The following RTN1 variants were observed in gnomAD, a reference collection of about 807,000 sequenced individuals.
RTN1 encodes reticulon 1, also known as reticulon-1.
RTN1 carries 25 observed loss-of-function variants against 65.5 expected under a neutral mutation model. That is an observed-to-expected ratio of 0.38 (90% confidence interval 0.28 to 0.53). RTN1 has a LOEUF of 0.53. RTN1 is among the 20% of genes least tolerant of loss of function. RTN1 has a pLI of 0.79. For missense variants in RTN1, 983 were observed against 1,025.4 expected, an observed-to-expected ratio of 0.96 and a Z score of 0.57; for synonymous variants, 471 against 447.6, an observed-to-expected ratio of 1.05 and a Z score of -0.66.
rs181442911 is a variant in RTN1 at position 59,618,000 on chromosome 14, C to T, written c.1766-10508G>A. Among the ~76,000 whole-genome samples the T allele has an allele frequency of 4.5e-4, 68 of 152,200 alleles. No individual in the cohort carries two copies. The Middle Eastern group carries it at 0.017, about 38-fold the overall frequency. ...ATAAAACCCAAGGGAAGGACTGAAA[C>T]GGCCTTTGCAAAATTATGACCGAGA... On this transcript the variant is annotated intron_variant, in intron 3 of 8. Transcript: ENST00000267484.
chr14:59,827,366 C>T (rs552569233), intron 1 of RTN1, among the ~76,000 whole-genome samples: 12 of 152,274 alleles, frequency 7.9e-5, no homozygotes, highest in African/African-American at 2.6e-4. Flanking sequence ...GAGTGAGCCA[C>T]CGCGCCCCGC....
intron 3 of RTN1, chr14:59,646,942 A>G (rs906302394): frequency 5.8e-5 from 9 of 154,250 alleles, no homozygotes; most frequent in African/African-American, 2.2e-4. Context: ...ATCAATAATA[A>G]TCTTGAAGGG....
At chr14:59,809,805 C>T (rs965898838) in intron 1 of RTN1, among the ~76,000 whole-genome samples, 1 of 152,102 alleles carries the variant, frequency 6.6e-6, no homozygotes, top group African/African-American at 2.4e-5. Flanking sequence ...ACAACAGAAC[C>T]CCCAGATGCC....
chr14:59,752,249 G>A (rs536562261), intron 1 of RTN1, among the ~76,000 whole-genome samples: 1 of 152,136 alleles, frequency 6.6e-6, no homozygotes, highest in Non-Finnish European at 1.5e-5. Context: ...TCTGGAGGCT[G>A]GGAGGTTCAA....
intron 1 of RTN1, among the ~76,000 whole-genome samples, chr14:59,788,960 A>T (rs1489465655): frequency 6.6e-6 from 1 of 152,152 alleles, no homozygotes; most frequent in Non-Finnish European, 1.5e-5. Flanking sequence ...AATAAGGCAC[A>T]AATTTATGTA....
At chr14:59,855,050 C>T (rs1386816260) in intron 1 of RTN1, among the ~76,000 whole-genome samples, 1 of 152,166 alleles carries the variant, frequency 6.6e-6, no homozygotes, top group East Asian at 1.9e-4. Context: ...TTCCCTGAAG[C>T]CCCCATCTGG....
At chr14:59,684,136 CT>C (rs1280026454) in intron 3 of RTN1, among the ~76,000 whole-genome samples, 1 of 151,884 alleles carries the variant, frequency 6.6e-6, no homozygotes, top group African/African-American at 2.4e-5. Flanking sequence ...TAAATTCTCC[CT>C]CCCTTCACCT....
At chr14:59,772,811 G>GT (rs10709977) in intron 1 of RTN1, among the ~76,000 whole-genome samples, 79 of 151,328 alleles carry the variant, frequency 5.2e-4, no homozygotes, top group South Asian at 3.1e-3. Context: ...AAAGGACTGG[G>GT]TTTTTTTTTG....
chr14:59,799,584 T>G (rs912861497), intron 1 of RTN1, among the ~76,000 whole-genome samples: 1 of 152,232 alleles, frequency 6.6e-6, no homozygotes, highest in Non-Finnish European at 1.5e-5. Flanking sequence ...TAATGCATAA[T>G]TTTAGAATAA....
At chr14:59,749,595 AT>A (rs1885373121) in intron 1 of RTN1, among the ~76,000 whole-genome samples, 1 of 43,506 alleles carries the variant, frequency 2.3e-5, no homozygotes, top group Non-Finnish European at 3.5e-5. Flanking sequence ...ATTTATATAT[AT>A]ATCTATCTAT....
Position 59,870,504 on chromosome 14 carries a change from G to T in RTN1, c.127C>A (p.Gln43Lys), listed in dbSNP as rs1436130768. The part of the protein sequence containing the change: ...VTPKGATPAP[Q>K]AGEPSPGLGA... ...AACCCCGGGCTGGGCTCCCCAGCCTGCGGCGCCGGCGTGGCCCCTTTCGGC... is the reference window on the plus strand; with the variant it reads ...AACCCCGGGCTGGGCTCCCCAGCCTTCGGCGCCGGCGTGGCCCCTTTCGGC... Residue 43 changes from glutamine (Q) to lysine (K), a missense_variant, in exon 1 of 9, where the codon CAG becomes AAG. By Grantham distance (53) the Gln-to-Lys change is moderately conservative. Around this residue, in one of 2 missense-constraint regions of RTN1, gnomAD observed 818 missense variants for 801.8 expected, o/e 1.02. Transcript: ENST00000267484. This position sits in a 1 kb window ranked among gnomAD's most constrained non-coding sequence, Gnocchi z 5.1. 9.6e-6 allele frequency: 14 copies of T among 1,454,990 alleles called. No homozygotes were observed. The highest frequency in any genetic ancestry group is 1.2e-5 in the Non-Finnish European group (13 of 1,109,802). The allele number at this position is 1,454,990 out of a possible 1,614,324, so 90.1% of individuals were successfully genotyped here.
intron 1 of RTN1, among the ~76,000 whole-genome samples, chr14:59,801,527 T>G (rs1427942323): frequency 6.6e-6 from 1 of 152,146 alleles, no homozygotes; most frequent in Non-Finnish European, 1.5e-5. Context: ...TCAAAAATAA[T>G]GGCATAATAA....
chr14:59,812,314 T>A (rs1179951550), intron 1 of RTN1, among the ~76,000 whole-genome samples: 5 of 152,166 alleles, frequency 3.3e-5, no homozygotes, highest in Admixed American at 6.6e-5. Context: ...GGAATTTTTT[T>A]AAAAAGGTAG....
intron 3 of RTN1, among the ~76,000 whole-genome samples, chr14:59,637,735 C>A (rs1882695421): frequency 6.6e-6 from 1 of 150,758 alleles, no homozygotes; most frequent in Non-Finnish European, 1.5e-5. Flanking sequence ...AAATTGGAAT[C>A]AACATTTTCC....
At chr14:59,665,010 T>G (rs1253162671) in intron 3 of RTN1, among the ~76,000 whole-genome samples, 3 of 152,162 alleles carry the variant, frequency 2.0e-5, no homozygotes, top group South Asian at 4.1e-4. Context: ...GTGTTGCCAC[T>G]GCTTATGACT....
chr14:59,676,261 A>C (rs1190385305), intron 3 of RTN1, among the ~76,000 whole-genome samples: 2 of 152,220 alleles, frequency 1.3e-5, no homozygotes, highest in Non-Finnish European at 2.9e-5. Context: ...TTTTGCACAG[A>C]AGCTGTAAAA....
chr14:59,867,832 CT>C (rs1287188686), intron 1 of RTN1, among the ~76,000 whole-genome samples: 1 of 152,122 alleles, frequency 6.6e-6, no homozygotes, highest in Non-Finnish European at 1.5e-5. Context: ...AAGCACCACT[CT>C]TTTAAAAAAA....
intron 1 of RTN1, among the ~76,000 whole-genome samples, chr14:59,813,657 T>C (rs1468683294): frequency 6.6e-6 from 1 of 152,146 alleles, no homozygotes; most frequent in African/African-American, 2.4e-5. Flanking sequence ...GAAAAAGAAA[T>C]TCAAAGTACA....
At chr14:59,631,977 C>A (rs1436583111) in intron 3 of RTN1, among the ~76,000 whole-genome samples, 1 of 152,192 alleles carries the variant, frequency 6.6e-6, no homozygotes, top group Non-Finnish European at 1.5e-5. Flanking sequence ...TTTGCATACC[C>A]CACACCAGCA....
Sources: gnomAD v4.1 joint callset for allele counts (sites outside exome capture counted in the v4.1 genomes callset) on GRCh38, gnomAD v4.1.1 for gene constraint, gnomAD v4.1.1 regional missense constraint, Gnocchi (gnomAD v3.1) non-coding constraint, MANE v1.5 for transcripts, NCBI Gene and HGNC (gene_info 2026-07-23, HGNC 2026-07-21) for gene names.